The following FNBP1L variants were observed in gnomAD, a reference collection of about 807,000 sequenced individuals.
FNBP1L encodes formin binding protein 1 like, also known as formin-binding protein 1-like.
Under a neutral mutation model 91.2 loss-of-function variants are expected in FNBP1L, and 36 were observed. That is an observed-to-expected ratio of 0.39 (90% confidence interval 0.30 to 0.52). The LOEUF is 0.52. FNBP1L is among the 20% of genes least tolerant of loss of function. The pLI is 0.66. For missense variants in FNBP1L, 571 were observed against 732.1 expected (o/e 0.78, Z 2.54); for synonymous variants, 242 against 237.0 (o/e 1.02, Z -0.19).
chr1:93,526,133 A>G (rs997628445), intron 5 of FNBP1L, among the ~76,000 whole-genome samples: 2 of 152,190 alleles, frequency 1.3e-5, no homozygotes, highest in African/African-American at 4.8e-5. Flanking sequence ...ACTGGCATTT[A>G]AGATCAGGAC....
intron 8 of FNBP1L, among the ~76,000 whole-genome samples, chr1:93,533,550 T>TAA (rs1217913016): frequency 1.3e-5 from 2 of 152,178 alleles, no homozygotes; most frequent in Non-Finnish European, 2.9e-5. Context: ...CATTGTATCT[T>TAA]GATTAAGGAC....
intron 5 of FNBP1L, among the ~76,000 whole-genome samples, chr1:93,528,788 G>A (rs570986591): frequency 9.9e-5 from 15 of 152,178 alleles, no homozygotes; most frequent in Admixed American, 5.9e-4. Context: ...AATTCCTAAT[G>A]TGTTAGAATT....
At chr1:93,500,036 T>C (rs1298332825) in intron 2 of FNBP1L, among the ~76,000 whole-genome samples, 1 of 152,204 alleles carries the variant, frequency 6.6e-6, no homozygotes, top group East Asian at 1.9e-4. Flanking sequence ...TATGAATGAA[T>C]GTGATTTTAG....
intron 11 of FNBP1L, among the ~76,000 whole-genome samples, chr1:93,543,592 ATTGTCT>A (rs1468350092): frequency 1.3e-5 from 2 of 152,098 alleles, no homozygotes; most frequent in African/African-American, 2.4e-5. Flanking sequence ...ATTTCATTAG[ATTGTCT>A]TTGTGAGGTA....
At chr1:93,552,089 C>A in intron 16 of FNBP1L, 1 of 1,093,922 alleles carries the variant, frequency 9.1e-7, no homozygotes, top group Non-Finnish European at 1.1e-6. Flanking sequence ...TTGTTATTTC[C>A]GCTGAATCAT....
At chr1:93,533,952 A>G (rs1308317925) in intron 8 of FNBP1L, among the ~76,000 whole-genome samples, 1 of 152,174 alleles carries the variant, frequency 6.6e-6, no homozygotes. Flanking sequence ...TGTTAACAGA[A>G]ATAGGCAACA....
intron 2 of FNBP1L, among the ~76,000 whole-genome samples, chr1:93,505,406 C>T (rs574538364): frequency 5.3e-5 from 8 of 152,156 alleles, no homozygotes; most frequent in Non-Finnish European, 8.8e-5. Flanking sequence ...TTGGCTGGAA[C>T]GGGACCTCAC....
chr1:93,490,985 G>C (rs1368148557), intron 1 of FNBP1L, among the ~76,000 whole-genome samples: 1 of 152,196 alleles, frequency 6.6e-6, no homozygotes, highest in Non-Finnish European at 1.5e-5. Flanking sequence ...CTGTCACCCA[G>C]GCTGGAGTGC....
chr1:93,514,505 T>C (rs1670996211), intron 2 of FNBP1L, among the ~76,000 whole-genome samples: 1 of 152,006 alleles, frequency 6.6e-6, no homozygotes, highest in East Asian at 1.9e-4. Context: ...TCACACTACC[T>C]GACTTCAAAC....
intron 8 of FNBP1L, 72 bp downstream of exon 8, chr1:93,533,140 T>C: frequency 2.9e-6 from 4 of 1,372,872 alleles, no homozygotes; most frequent in Admixed American, 1.9e-5. Flanking sequence ...GTGAAATGAG[T>C]TGAGAAAGGG....
intron 1 of FNBP1L, among the ~76,000 whole-genome samples, chr1:93,450,628 G>A (rs925507593): frequency 2.0e-5 from 3 of 152,208 alleles, no homozygotes; most frequent in African/African-American, 7.2e-5. Context: ...CAAACAACCT[G>A]TACTGTGCTC....
intron 10 of FNBP1L, among the ~76,000 whole-genome samples, chr1:93,538,631 T>C (rs1413878307): frequency 6.6e-6 from 1 of 151,752 alleles, no homozygotes; most frequent in Admixed American, 6.6e-5. Flanking sequence ...TTTTTCCACA[T>C]AAGAATTTTC....
intron 2 of FNBP1L, among the ~76,000 whole-genome samples, chr1:93,507,103 ACACACTCTCTCTCTCTCTCTCTCTCT>A (rs1172471680): frequency 4.8e-4 from 25 of 52,606 alleles, no homozygotes; most frequent in Non-Finnish European, 6.3e-4. Context: ...ACACACACAC[ACACACTCTCTCTCTCTCTCTCTCTCT>A]CTCTCTCTCT....
intron 1 of FNBP1L, among the ~76,000 whole-genome samples, chr1:93,463,449 T>C (rs1320722474): frequency 6.6e-6 from 1 of 152,172 alleles, no homozygotes; most frequent in African/African-American, 2.4e-5. Flanking sequence ...AGTTGTAAAG[T>C]TGAAAAACCA....
chr1:93,452,717 T>G (rs1236218753), intron 1 of FNBP1L, among the ~76,000 whole-genome samples: 1 of 152,206 alleles, frequency 6.6e-6, no homozygotes, highest in Non-Finnish European at 1.5e-5. Context: ...ATATTGACTT[T>G]AATTTTACTT....
intron 16 of FNBP1L, 50 bp downstream of exon 16, chr1:93,551,155 A>G (rs370922979): frequency 6.7e-7 from 1 of 1,489,804 alleles, no homozygotes; most frequent in Non-Finnish European, 9.0e-7. Context: ...GCCATGTGTG[A>G]CATAGGAAGA....
chr1:93,506,686 A>G (rs1670627387), intron 2 of FNBP1L, among the ~76,000 whole-genome samples: 1 of 152,192 alleles, frequency 6.6e-6, no homozygotes, highest in Non-Finnish European at 1.5e-5. Context: ...GAAAATGTAT[A>G]GAGGTGATTC....
intron 2 of FNBP1L, among the ~76,000 whole-genome samples, chr1:93,517,842 T>C (rs1193114787): frequency 6.6e-6 from 1 of 152,228 alleles, no homozygotes; most frequent in Non-Finnish European, 1.5e-5. Flanking sequence ...TCTCTGGTGT[T>C]GGCATCAGAT....
rs1158102130 is a variant in FNBP1L at position 93,554,026 on chromosome 1, A to G, written c.*1610A>G. 3 of 152,650 alleles carry G rather than the reference A, an allele frequency of 2.0e-5. No homozygotes were observed. The highest frequency in any genetic ancestry group is 1.9e-4 in the East Asian group (1 of 5,200). 9.5% of individuals were successfully genotyped at this position (152,650 alleles called of 1,614,324 possible). ...CCCGTTATACTAAAGCTGAATGACA[A>G]TTGTGTGAAAGTTACTGCCTTCATA... On this transcript the variant is annotated 3_prime_UTR_variant, in exon 17 of 17. Coordinates refer to ENST00000271234, the MANE Select transcript of FNBP1L (RefSeq NM_001164473.3).
Sources: gnomAD v4.1 joint callset for allele counts (sites outside exome capture counted in the v4.1 genomes callset) on GRCh38, gnomAD v4.1.1 for gene constraint, MANE v1.5 for transcripts, NCBI Gene and HGNC (gene_info 2026-07-23, HGNC 2026-07-21) for gene names.